SCAPER: variants seen among roughly 807,000 people sequenced by gnomAD.
SCAPER encodes the protein S-phase cyclin A associated protein in the ER.
Under a neutral mutation model 182.2 loss-of-function variants are expected in SCAPER, and 98 were observed. The observed-to-expected ratio is 0.54, with a 90% confidence interval of 0.46 to 0.64. The LOEUF is 0.64. SCAPER is among the 30% of genes least tolerant of loss of function. The pLI is 0.00. For missense variants in SCAPER, 1,432 were observed against 1,690.0 expected, an observed-to-expected ratio of 0.85 and a Z score of 2.68; for synonymous variants, 605 against 564.6, an observed-to-expected ratio of 1.07 and a Z score of -1.01.
chr15:76,550,619 T>C (rs952131146), intron 23 of SCAPER, among the ~76,000 whole-genome samples: 35 of 151,982 alleles, frequency 2.3e-4, no homozygotes, highest in African/African-American at 8.5e-4. Flanking sequence ...GTTGATTCCG[T>C]ATCTTTTTTA....
rs1235714418 is a variant in SCAPER, at chr15:76,816,822, TTTTTTGTA to T, written c.394-12197_394-12190del. ...CGCCCGCCACAATGCCCAGCTAATT[TTTTTTGTA>T]TTTTTGTATTTTTAGTACAGACGGT... On this transcript the variant is annotated intron_variant, in intron 5 of 31. Transcript: ENST00000563290. Among the ~76,000 whole-genome samples, 9 of 152,180 alleles carry T rather than the reference TTTTTTGTA, an allele frequency of 5.9e-5. No homozygotes were observed. In the South Asian group the frequency reaches 1.9e-3, roughly 32 times the overall value.
intron 23 of SCAPER, among the ~76,000 whole-genome samples, chr15:76,544,871 C>T (rs2045120255): frequency 6.6e-6 from 1 of 152,162 alleles, no homozygotes; most frequent in East Asian, 1.9e-4. Flanking sequence ...GCCAAACACT[C>T]AATGGTTTTG....
chr15:76,738,788 A>G (rs1341973717), intron 15 of SCAPER, among the ~76,000 whole-genome samples: 1 of 152,176 alleles, frequency 6.6e-6, no homozygotes, highest in Non-Finnish European at 1.5e-5. Context: ...CTTATCACAG[A>G]TCACCATAAT....
chr15:76,735,855 T>C (rs1285244933), intron 15 of SCAPER, among the ~76,000 whole-genome samples: 1 of 152,206 alleles, frequency 6.6e-6, no homozygotes, highest in African/African-American at 2.4e-5. Flanking sequence ...TACAGTAGTA[T>C]GTCCTTATCC....
chr15:76,858,701 T>C (rs868455486), intron 3 of SCAPER, among the ~76,000 whole-genome samples: 1 of 152,212 alleles, frequency 6.6e-6, no homozygotes, highest in African/African-American at 2.4e-5. Context: ...TAGTTCCCAC[T>C]TATAAATGAG....
intron 8 of SCAPER, among the ~76,000 whole-genome samples, chr15:76,779,882 C>T (rs2063992816): frequency 6.6e-6 from 1 of 152,134 alleles, no homozygotes. Context: ...TCCCAGTTCA[C>T]CATTCAAAAA....
intron 22 of SCAPER, among the ~76,000 whole-genome samples, chr15:76,607,297 A>C (rs2050516184): frequency 6.6e-6 from 1 of 152,188 alleles, no homozygotes; most frequent in Admixed American, 6.5e-5. Flanking sequence ...GCTGGATATG[A>C]AATTCTGGGT....
intron 17 of SCAPER, among the ~76,000 whole-genome samples, chr15:76,717,887 G>A (rs1185533732): frequency 1.3e-5 from 2 of 152,062 alleles, no homozygotes; most frequent in African/African-American, 4.8e-5. Context: ...AGATAAACTA[G>A]AGAGAAAATA....
chr15:76,789,893 T>A (rs35710279), intron 8 of SCAPER, among the ~76,000 whole-genome samples: 40,347 of 152,052 alleles, frequency 0.27, 6,280 homozygotes, highest in East Asian at 0.55. Context: ...AAATATTATT[T>A]TTATCACTGT....
intron 15 of SCAPER, among the ~76,000 whole-genome samples, chr15:76,742,648 A>G (rs2061610318): frequency 6.6e-6 from 1 of 151,964 alleles, no homozygotes; most frequent in Non-Finnish European, 1.5e-5. Context: ...CTCAGGCTGC[A>G]ATATTAATCA....
intron 23 of SCAPER, among the ~76,000 whole-genome samples, chr15:76,566,385 C>T (rs772104198): frequency 6.6e-6 from 1 of 152,052 alleles, no homozygotes; most frequent in Admixed American, 6.6e-5. Context: ...TATTCAGATT[C>T]GAAAGAGTCA....
At position 76,367,687 on chromosome 15, in the gene SCAPER, G is replaced by A. The variant is rs529336777; in HGVS notation, c.3855+8475C>T. On this transcript the variant is annotated intron_variant, in intron 29 of 31. Coordinates refer to ENST00000563290, the MANE Select transcript of SCAPER (RefSeq NM_020843.4). ...AAAAATGTATCTAGTGTGAGCATGC[G>A]GCACTTTGAACTACCCTTGTGTGGA... 1.4e-3 allele frequency among the ~76,000 whole-genome samples: 220 copies of A among 152,084 alleles called. 1 individual carries two copies. The highest frequency in any genetic ancestry group is 2.5e-3 in the Non-Finnish European group (170 of 67,998).
intron 22 of SCAPER, among the ~76,000 whole-genome samples, chr15:76,612,263 G>A (rs952061945): frequency 7.2e-5 from 11 of 152,070 alleles, no homozygotes; most frequent in African/African-American, 2.7e-4. Context: ...TTGAGACAGG[G>A]TTTCACTCTG....
chr15:76,719,686 C>A (rs1230588895), intron 17 of SCAPER, among the ~76,000 whole-genome samples: 1 of 151,966 alleles, frequency 6.6e-6, no homozygotes, highest in African/African-American at 2.4e-5. Context: ...CAAATAAAAA[C>A]TATTTTTTAA....
intron 23 of SCAPER, among the ~76,000 whole-genome samples, chr15:76,510,793 C>T (rs896888987): frequency 1.3e-5 from 2 of 152,142 alleles, no homozygotes; most frequent in Admixed American, 1.3e-4. Context: ...CAGCACAATT[C>T]GTGATTGCAA....
intron 27 of SCAPER, among the ~76,000 whole-genome samples, chr15:76,400,591 A>G (rs1394852843): frequency 6.6e-6 from 1 of 152,194 alleles, no homozygotes; most frequent in Non-Finnish European, 1.5e-5. Context: ...TGGGAGACTG[A>G]AGGATGAGAG....
intron 8 of SCAPER, among the ~76,000 whole-genome samples, chr15:76,782,839 C>A (rs1005223667): frequency 1.3e-5 from 2 of 152,002 alleles, no homozygotes; most frequent in African/African-American, 4.8e-5. Context: ...CCAAGCAGAA[C>A]AAAGACACGA....
intron 7 of SCAPER, among the ~76,000 whole-genome samples, chr15:76,799,703 G>C (rs1369950179): frequency 2.0e-5 from 3 of 152,126 alleles, no homozygotes; most frequent in Non-Finnish European, 4.4e-5. Flanking sequence ...CGACGGCCCA[G>C]GCTTTGTCCT....
chr15:76,703,714 C>A (rs886364061), intron 18 of SCAPER, among the ~76,000 whole-genome samples: 6 of 152,160 alleles, frequency 3.9e-5, no homozygotes, highest in African/African-American at 1.4e-4. Context: ...CTCTTCTGTG[C>A]TTCCACAGCA....
Sources: allele counts gnomAD v4.1 joint callset (sites outside exome capture counted in the v4.1 genomes callset), GRCh38; gene constraint gnomAD v4.1.1; transcripts MANE v1.5; gene names NCBI Gene and HGNC (gene_info 2026-07-23, HGNC 2026-07-21).